Variants in MAGI2 observed in about 807,000 individuals in gnomAD.
The protein encoded by MAGI2 is membrane-associated guanylate kinase, WW and PDZ domain-containing protein 2.
A neutral mutation model predicts 133.3 loss-of-function variants in MAGI2; 35 were observed. The ratio of observed to expected loss-of-function variants is 0.26; its 90% confidence interval spans 0.20 to 0.35. The LOEUF (loss-of-function observed/expected upper bound fraction) is 0.35, where lower values mean the gene tolerates loss of function less well. Among genes scored for constraint, MAGI2 ranks in the 10% least tolerant of loss-of-function variants. The pLI, the probability that MAGI2 is intolerant of heterozygous loss-of-function variation, is 1.00. For missense variants in MAGI2, 1,636 were observed against 1,863.4 expected (o/e 0.88, Z 2.25); for synonymous variants, 729 against 710.6 (o/e 1.03, Z -0.41).
intron 1 of MAGI2, among the ~76,000 whole-genome samples, chr7:79,033,761 G>T (rs1010034316): frequency 2.6e-5 from 4 of 152,122 alleles, no homozygotes; most frequent in Non-Finnish European, 4.4e-5. Context: ...AATAAGGGCG[G>T]GGCTTTTGGT....
intron 1 of MAGI2, among the ~76,000 whole-genome samples, chr7:79,450,804 T>C (rs1359478613): frequency 6.6e-6 from 1 of 152,210 alleles, no homozygotes; most frequent in East Asian, 1.9e-4. Context: ...AGCCTCTTCA[T>C]GGATACCCAC....
chr7:78,131,009 C>T (rs1465406542), intron 18 of MAGI2, among the ~76,000 whole-genome samples: 1 of 152,170 alleles, frequency 6.6e-6, no homozygotes, highest in Non-Finnish European at 1.5e-5. Flanking sequence ...GGAGCAAGAG[C>T]CATGTCCAGG....
At chr7:78,829,075 GT>G (rs1360453731) in intron 2 of MAGI2, among the ~76,000 whole-genome samples, 1 of 151,984 alleles carries the variant, frequency 6.6e-6, no homozygotes, top group Non-Finnish European at 1.5e-5. Flanking sequence ...TCATATTTTT[GT>G]GTATTTTGTG....
chr7:78,760,293 C>A (rs1824366044), intron 2 of MAGI2, among the ~76,000 whole-genome samples: 1 of 151,874 alleles, frequency 6.6e-6, no homozygotes, highest in Admixed American at 6.6e-5. Context: ...AAAATTTCCA[C>A]CCTGATAAAA....
intron 3 of MAGI2, among the ~76,000 whole-genome samples, chr7:78,600,396 G>T (rs567718962): frequency 2.0e-5 from 3 of 152,158 alleles, no homozygotes; most frequent in South Asian, 4.1e-4. Context: ...GCAAAAAAAG[G>T]TTTAAAATAT....
chr7:79,438,878 G>C (rs1269491665), intron 1 of MAGI2, among the ~76,000 whole-genome samples: 3 of 151,972 alleles, frequency 2.0e-5, no homozygotes, highest in Non-Finnish European at 4.4e-5. Context: ...ACCACTTTAT[G>C]TTTCTCCTTC....
chr7:79,024,011 G>A (rs183352595), intron 1 of MAGI2, among the ~76,000 whole-genome samples: 1 of 151,988 alleles, frequency 6.6e-6, no homozygotes, highest in South Asian at 2.1e-4. Flanking sequence ...AACCAAAAAG[G>A]ATCTCCAATA....
At chr7:78,717,170 C>G (rs954210616) in intron 2 of MAGI2, among the ~76,000 whole-genome samples, 1 of 152,278 alleles carries the variant, frequency 6.6e-6, no homozygotes, top group Admixed American at 6.5e-5. Context: ...TGGTGCTCCC[C>G]CTCCGCAGGT....
intron 2 of MAGI2, among the ~76,000 whole-genome samples, chr7:78,990,137 C>T (rs1268355727): frequency 6.6e-6 from 1 of 151,970 alleles, no homozygotes; most frequent in East Asian, 1.9e-4. Flanking sequence ...TTAATACTCC[C>T]AGTGTTTCTG....
At chr7:78,649,586 T>C (rs760837002) in intron 2 of MAGI2, among the ~76,000 whole-genome samples, 1 of 152,126 alleles carries the variant, frequency 6.6e-6, no homozygotes, top group Non-Finnish European at 1.5e-5. Context: ...ATAATAAAAC[T>C]ATTTTCTTTG....
intron 6 of MAGI2, among the ~76,000 whole-genome samples, chr7:78,391,925 G>T (rs1795927538): frequency 6.6e-6 from 1 of 152,184 alleles, no homozygotes; most frequent in African/African-American, 2.4e-5. Context: ...GTGATTGTGG[G>T]AAGAATGAAA....
At chr7:79,118,777 C>T (rs957211138) in intron 1 of MAGI2, among the ~76,000 whole-genome samples, 4 of 152,114 alleles carry the variant, frequency 2.6e-5, no homozygotes, top group Admixed American at 1.3e-4. Flanking sequence ...CCTGATTCCA[C>T]TGGCCCATGA....
intron 7 of MAGI2, among the ~76,000 whole-genome samples, chr7:78,363,495 A>AAATAATAATAATAATAATAAT (rs1554367009): frequency 8.2e-6 from 1 of 122,366 alleles, no homozygotes; most frequent in Admixed American, 8.3e-5. Flanking sequence ...TCCATCTCGA[A>AAATAATAATAATAATAATAAT]AATAATAATA....
chr7:78,396,724 A>C (rs1217057250), intron 6 of MAGI2, among the ~76,000 whole-genome samples: 2 of 152,162 alleles, frequency 1.3e-5, no homozygotes, highest in Non-Finnish European at 2.9e-5. Context: ...TCAATGGATA[A>C]GTGTGAACAC....
At chr7:79,136,098 AAAGAAAGAAAGAAAG>A (rs1821518405) in intron 1 of MAGI2, among the ~76,000 whole-genome samples, 1 of 149,162 alleles carries the variant, frequency 6.7e-6, no homozygotes, top group Non-Finnish European at 1.5e-5. Flanking sequence ...AGAAAGAAAG[AAAGAAAGAAAGAAAG>A]AAAGAAAGAA....
intron 1 of MAGI2, among the ~76,000 whole-genome samples, chr7:79,009,588 C>A (rs1178340183): frequency 6.6e-6 from 1 of 152,106 alleles, no homozygotes; most frequent in African/African-American, 2.4e-5. Flanking sequence ...TCCCATTATT[C>A]TTTCCTTTTA....
At chr7:78,162,677 A>G (rs1202378607) in intron 15 of MAGI2, among the ~76,000 whole-genome samples, 1 of 152,196 alleles carries the variant, frequency 6.6e-6, no homozygotes, top group Non-Finnish European at 1.5e-5. Context: ...AGTCATATAC[A>G]TTAATAGGAT....
intron 12 of MAGI2, among the ~76,000 whole-genome samples, chr7:78,193,001 G>A (rs532546850): frequency 6.6e-6 from 1 of 152,266 alleles, no homozygotes; most frequent in South Asian, 2.1e-4. Context: ...GGAGGTTAAG[G>A]TGGACTGGTT....
intron 2 of MAGI2, among the ~76,000 whole-genome samples, chr7:78,826,268 G>C (rs376333702): frequency 1.3e-5 from 2 of 150,872 alleles, no homozygotes; most frequent in Non-Finnish European, 2.9e-5. Context: ...GCAGGAGAAC[G>C]GCATGAACCC....
Sources: gnomAD v4.1 joint callset for allele counts (sites outside exome capture counted in the v4.1 genomes callset) on GRCh38, gnomAD v4.1.1 for gene constraint, MANE v1.5 for transcripts, NCBI Gene and HGNC (gene_info 2026-07-23, HGNC 2026-07-21) for gene names.